Variants in KIRREL3 observed in about 807,000 individuals in gnomAD.
KIRREL3 encodes kirre like nephrin family adhesion molecule 3.
Under a neutral mutation model 89.7 loss-of-function variants are expected in KIRREL3, and 36 were observed. The observed-to-expected ratio is 0.40, with a 90% CI of 0.31 to 0.53. KIRREL3 has a LOEUF of 0.53. Ranked by LOEUF, KIRREL3 falls within the 20% of genes least tolerant of loss-of-function variation. The pLI, the probability that KIRREL3 is intolerant of heterozygous loss-of-function variation, is 0.49. For missense variants in KIRREL3, 864 were observed against 1,056.6 expected (o/e 0.82, Z 2.53); for synonymous variants, 445 against 441.4 (o/e 1.01, Z -0.10).
rs1453237167 is a variant in KIRREL3 at position 126,796,629 on chromosome 11, G to A, written c.55+203826C>T. 6.6e-6 allele frequency among the ~76,000 whole-genome samples: 1 copy of A among 152,060 alleles called. No individual in the cohort carries two copies. Among genetic ancestry groups the A allele is most frequent in the Non-Finnish European group, 1.5e-5 (1 of 67,986 alleles). On this transcript the variant is annotated intron_variant, in intron 1 of 16. Transcript: ENST00000525144. This position sits in a 1 kb window ranked among gnomAD's most constrained non-coding sequence, Gnocchi z 5.1. Reference sequence around the variant, plus strand: ...CAAGTGCCCTCTTATGTTAAGCATTGCCCCCAACCCTGCTTTTTATTTATT... The same window carrying A: ...CAAGTGCCCTCTTATGTTAAGCATTACCCCCAACCCTGCTTTTTATTTATT...
Position 126,642,505 on chromosome 11 carries a change from C to G in KIRREL3, c.56-79593G>C, listed in dbSNP as rs758818444. Among the ~76,000 whole-genome samples the G allele has an allele frequency of 1.3e-5, 2 of 152,240 alleles. No individual in the cohort carries two copies. The highest frequency in any genetic ancestry group is 2.9e-5 in the Non-Finnish European group (2 of 68,048). On this transcript the variant is annotated intron_variant, in intron 1 of 16. Coordinates refer to ENST00000525144, the MANE Select transcript of KIRREL3 (RefSeq NM_032531.4). The surrounding 1 kb of genome is among the most constrained non-coding windows in gnomAD (Gnocchi z 4.9). ...TTAACTCTGCCCTGCACTTTCCATT[C>G]CCCATCCCCTTTCCTCTGCCTTTTC...
At chr11:126,819,792 A>G (rs1034168954) in intron 1 of KIRREL3, among the ~76,000 whole-genome samples, 2 of 152,168 alleles carry the variant, frequency 1.3e-5, no homozygotes, top group African/African-American at 4.8e-5. Flanking sequence ...ACCAATAACT[A>G]ACAATTATCT....
At chr11:126,779,032 G>A (rs750245969) in intron 1 of KIRREL3, among the ~76,000 whole-genome samples, 1 of 152,190 alleles carries the variant, frequency 6.6e-6, no homozygotes, top group Non-Finnish European at 1.5e-5. Context: ...GCTGTGCTTA[G>A]AGCCCTATCA....
chr11:126,467,107 C>A (rs1042649386), intron 5 of KIRREL3, among the ~76,000 whole-genome samples: 2 of 152,254 alleles, frequency 1.3e-5, no homozygotes, highest in Non-Finnish European at 2.9e-5. Flanking sequence ...AGGGCATACA[C>A]CCCCGTGGGT....
intron 6 of KIRREL3, among the ~76,000 whole-genome samples, chr11:126,458,841 G>A (rs1355960347): frequency 1.3e-5 from 2 of 152,190 alleles, no homozygotes; most frequent in Non-Finnish European, 2.9e-5. Context: ...GAATAGCCAC[G>A]AGAACGCTCC....
Position 126,812,946 on chromosome 11 carries a change from G to C in KIRREL3, c.55+187509C>G, listed in dbSNP as rs952380952. Among the ~76,000 whole-genome samples the C allele has an allele frequency of 6.6e-6, 1 of 152,172 alleles. No homozygotes were observed. Among genetic ancestry groups the C allele is most frequent in the African/African-American group, 2.4e-5 (1 of 41,420 alleles). On this transcript the variant is annotated intron_variant, in intron 1 of 16. Coordinates refer to ENST00000525144, the MANE Select transcript of KIRREL3 (RefSeq NM_032531.4). The surrounding 1 kb of genome is among the most constrained non-coding windows in gnomAD (Gnocchi z 5.2). ...TGGAGGTTGTTGGGCTGCAGTTCAC[G>C]GCCCAGGTGAGACCACACTGCAGAA...
rs571720654 is a variant in KIRREL3, at chr11:126,985,934, A to G, written c.55+14521T>C. ...GTTGTTTCTGGACACTATATAGCCTAGTGATCTCCTGAAGCCTAAAATGAG... is the reference window on the plus strand; with the variant it reads ...GTTGTTTCTGGACACTATATAGCCTGGTGATCTCCTGAAGCCTAAAATGAG... On this transcript the variant is annotated intron_variant, in intron 1 of 16. Coordinates refer to ENST00000525144, the MANE Select transcript of KIRREL3 (RefSeq NM_032531.4). The surrounding 1 kb of genome is among the most constrained non-coding windows in gnomAD (Gnocchi z 5.3). 1.3e-5 allele frequency among the ~76,000 whole-genome samples: 2 copies of G among 152,290 alleles called. No homozygotes were observed. Among genetic ancestry groups the G allele is most frequent in the African/African-American group, 4.8e-5 (2 of 41,568 alleles).
chr11:126,992,076 A>G (rs1950048597), intron 1 of KIRREL3, among the ~76,000 whole-genome samples: 1 of 152,238 alleles, frequency 6.6e-6, no homozygotes, highest in Non-Finnish European at 1.5e-5. Context: ...CATCATCATA[A>G]GAACATAATT....
intron 6 of KIRREL3, among the ~76,000 whole-genome samples, chr11:126,458,652 C>T (rs2134241510): frequency 6.6e-6 from 1 of 152,334 alleles, no homozygotes; most frequent in East Asian, 1.9e-4. Flanking sequence ...GCTGGGGAGC[C>T]TGTTCTCCCA....
chr11:126,751,973 G>T lies in KIRREL3; in HGVS notation c.56-189061C>A, dbSNP rs141739522. ...CCATCTTGACCTCCCAAAGTGCTGG[G>T]ATTACAGGCATGAGCCACCATGCCA... On this transcript the variant is annotated intron_variant, in intron 1 of 16. Coordinates refer to ENST00000525144, the MANE Select transcript of KIRREL3 (RefSeq NM_032531.4). Among the ~76,000 whole-genome samples the T allele has an allele frequency of 3.3e-3, 498 of 152,300 alleles. 4 individuals are homozygous for T. The highest frequency in any genetic ancestry group is 0.011 in the African/African-American group (475 of 41,552).
intron 1 of KIRREL3, among the ~76,000 whole-genome samples, chr11:126,735,565 C>T (rs1475735865): frequency 5.3e-5 from 8 of 152,134 alleles, no homozygotes; most frequent in Admixed American, 2.6e-4. Context: ...TAATGTGCGT[C>T]GGGGAATTGG....
At chr11:126,937,555 G>T (rs1451316434) in intron 1 of KIRREL3, among the ~76,000 whole-genome samples, 10 of 152,120 alleles carry the variant, frequency 6.6e-5, no homozygotes, top group Non-Finnish European at 1.5e-4. Flanking sequence ...CAGATACTCG[G>T]TCTCTTCCTC....
intron 8 of KIRREL3, among the ~76,000 whole-genome samples, chr11:126,447,183 C>T (rs1955852694): frequency 6.6e-6 from 1 of 152,198 alleles, no homozygotes; most frequent in African/African-American, 2.4e-5. Context: ...CAGGTTCTGC[C>T]TGGATTTACC....
intron 1 of KIRREL3, among the ~76,000 whole-genome samples, chr11:126,839,032 C>T (rs530849084): frequency 6.6e-6 from 1 of 152,306 alleles, no homozygotes; most frequent in East Asian, 1.9e-4. Flanking sequence ...GAGGACTTGG[C>T]TTTTCTTCTT....
Position 126,645,155 on chromosome 11 carries a change from G to C in KIRREL3, c.56-82243C>G, listed in dbSNP as rs1944617947. 6.6e-6 allele frequency among the ~76,000 whole-genome samples: 1 copy of C among 152,208 alleles called. No homozygotes were observed. Among genetic ancestry groups the C allele is most frequent in the Admixed American group, 6.5e-5 (1 of 15,288 alleles). On this transcript the variant is annotated intron_variant, in intron 1 of 16. Transcript: ENST00000525144. The surrounding 1 kb of genome is among the most constrained non-coding windows in gnomAD (Gnocchi z 4.9). ...CAGACTGGGCGTTATGAAGGAAAAA[G>C]CTGGAGGAAGATAGAGTGGGACCAG... is the stretch of plus-strand genomic sequence containing the variant.
chr11:126,503,433 A>G (rs1957926659), intron 4 of KIRREL3, among the ~76,000 whole-genome samples: 1 of 151,910 alleles, frequency 6.6e-6, no homozygotes, highest in Non-Finnish European at 1.5e-5. Context: ...TCATTTGTTG[A>G]GGGGGAGGGG....
chr11:126,445,317 C>T (rs1183762611), intron 9 of KIRREL3, among the ~76,000 whole-genome samples: 3 of 152,190 alleles, frequency 2.0e-5, no homozygotes, highest in Non-Finnish European at 2.9e-5. Flanking sequence ...GCAGAGAGGC[C>T]ACCCCGTGTG....
At chr11:126,826,096 G>T (rs1047412070) in intron 1 of KIRREL3, among the ~76,000 whole-genome samples, 1 of 152,082 alleles carries the variant, frequency 6.6e-6, no homozygotes, top group Non-Finnish European at 1.5e-5. Context: ...GGCTTGAATA[G>T]TTCCCCACCC....
rs537615896 is a variant in KIRREL3, at chr11:126,812,086, C to G, written c.55+188369G>C. On this transcript the variant is annotated intron_variant, in intron 1 of 16. Transcript: ENST00000525144. This position sits in a 1 kb window ranked among gnomAD's most constrained non-coding sequence, Gnocchi z 5.2. Reference sequence around the variant, plus strand: ...TCTTCAAACTCAATATGCATAAGAACAATTTATCCTGATGACCAGATATAA... The same window carrying G: ...TCTTCAAACTCAATATGCATAAGAAGAATTTATCCTGATGACCAGATATAA... Among the ~76,000 whole-genome samples the G allele has an allele frequency of 6.6e-6, 1 of 152,130 alleles. No homozygotes were observed. Among genetic ancestry groups the G allele is most frequent in the South Asian group, 2.1e-4 (1 of 4,832 alleles).
Sources: gnomAD v4.1 joint callset for allele counts (sites outside exome capture counted in the v4.1 genomes callset) on GRCh38, gnomAD v4.1.1 for gene constraint, Gnocchi (gnomAD v3.1) non-coding constraint, MANE v1.5 for transcripts, NCBI Gene and HGNC (gene_info 2026-07-23, HGNC 2026-07-21) for gene names.